ADAMTS2: variants seen among roughly 807,000 people sequenced by gnomAD.
The protein encoded by ADAMTS2 is ADAM metallopeptidase with thrombospondin type 1 motif 2, also known as A disintegrin and metalloproteinase with thrombospondin motifs 2.
ADAMTS2 carries 50 observed loss-of-function variants against 123.0 expected under a neutral mutation model. The observed-to-expected ratio is 0.41, with a 90% CI of 0.32 to 0.51. ADAMTS2 has a LOEUF of 0.51. Among genes scored for constraint, ADAMTS2 ranks in the 20% least tolerant of loss-of-function variants. ADAMTS2 has a pLI of 0.35. For missense variants in ADAMTS2, 1,494 were observed against 1,705.2 expected, an observed-to-expected ratio of 0.88 and a Z score of 2.18; for synonymous variants, 678 against 695.4, an observed-to-expected ratio of 0.98 and a Z score of 0.39.
At chr5:179,124,858 G>A (rs575170880) in intron 19 of ADAMTS2, 115 bp downstream of exon 19, 2 of 1,597,228 alleles carry the variant, frequency 1.3e-6, no homozygotes, top group South Asian at 2.2e-5. Context: ...TGCTTGGCAT[G>A]CACGGAGCGG....
rs1049248186 is a variant in ADAMTS2, at chr5:179,130,469, C to A, written c.2291-371G>T. ...GGCTGGGAGGGGTCTGTACGCGGTG[C>A]AGGGCATCTGCTGGACAGGCGAGCA... On this transcript the variant is annotated intron_variant, in intron 15 of 21. Coordinates refer to ENST00000251582, the MANE Select transcript of ADAMTS2 (RefSeq NM_014244.5). The surrounding 1 kb of genome is among the most constrained non-coding windows in gnomAD (Gnocchi z 4.3). Among the ~76,000 whole-genome samples the A allele has an allele frequency of 1.3e-5, 2 of 152,234 alleles. No individual in the cohort carries two copies. Among genetic ancestry groups the A allele is most frequent in the Non-Finnish European group, 2.9e-5 (2 of 68,044 alleles).
In ADAMTS2 at chr5:179,314,651, CCACAGGGTGACGGGCCAGAATTACAAG is replaced by C. The variant is rs1402312945; in HGVS notation, c.534+29089_534+29115del. On this transcript the variant is annotated intron_variant, in intron 2 of 21. Transcript: ENST00000251582. This position sits in a 1 kb window ranked among gnomAD's most constrained non-coding sequence, Gnocchi z 4.5. ...GCATGCAGAGGCCCATGTGCTTGTCCCACAGGGTGACGGGCCAGAATTACAAGCCCCTGATTCTGGGGGCTTCCACGC... is the reference window on the plus strand; with the variant it reads ...GCATGCAGAGGCCCATGTGCTTGTCCCCCCTGATTCTGGGGGCTTCCACGC... Among the ~76,000 whole-genome samples the C allele has an allele frequency of 6.6e-6, 1 of 152,066 alleles. No individual in the cohort carries two copies. The highest frequency in any genetic ancestry group is 1.5e-5 in the Non-Finnish European group (1 of 68,002).
chr5:179,171,282 C>A (rs1763809234), intron 5 of ADAMTS2, among the ~76,000 whole-genome samples: 1 of 152,172 alleles, frequency 6.6e-6, no homozygotes, highest in African/African-American at 2.4e-5. Flanking sequence ...CAGATGGCTC[C>A]TCCGGTCCCA....
chr5:179,292,789 C>G (rs1361487316), intron 2 of ADAMTS2, among the ~76,000 whole-genome samples: 2 of 152,180 alleles, frequency 1.3e-5, no homozygotes, highest in African/African-American at 4.8e-5. Context: ...CCCACCCCAC[C>G]CTGGAGTGCA....
chr5:179,227,659 G>A lies in ADAMTS2; in HGVS notation c.689-19944C>T, dbSNP rs542853892. Among the ~76,000 whole-genome samples the A allele has an allele frequency of 1.1e-4, 16 of 152,266 alleles. No homozygotes were observed. In the South Asian group the frequency reaches 2.9e-3, roughly 28 times the overall value. ...CCCAGACACAGAGAGGGAACCTGAC[G>A]CTCATGGGGAGGGCTGAGAGGCAGG... On this transcript the variant is annotated intron_variant, in intron 3 of 21. Coordinates refer to ENST00000251582, the MANE Select transcript of ADAMTS2 (RefSeq NM_014244.5).
chr5:179,161,336 G>A (rs940366592), intron 5 of ADAMTS2, among the ~76,000 whole-genome samples: 2 of 152,150 alleles, frequency 1.3e-5, no homozygotes, highest in Non-Finnish European at 2.9e-5. Context: ...GATGTGATTC[G>A]GTGCTAGAGC....
intron 3 of ADAMTS2, among the ~76,000 whole-genome samples, chr5:179,270,924 C>T (rs1414576053): frequency 1.3e-5 from 2 of 152,214 alleles, no homozygotes; most frequent in Non-Finnish European, 2.9e-5. Context: ...GGCCCACGCT[C>T]ACATCCACAG....
chr5:179,251,030 A>C (rs962576975), intron 3 of ADAMTS2, among the ~76,000 whole-genome samples: 3 of 152,178 alleles, frequency 2.0e-5, no homozygotes, highest in African/African-American at 7.2e-5. Flanking sequence ...AGCCTCATGC[A>C]TTTGCTCACT....
intron 2 of ADAMTS2, among the ~76,000 whole-genome samples, chr5:179,311,578 G>A (rs901760512): frequency 5.9e-5 from 9 of 152,152 alleles, no homozygotes; most frequent in Non-Finnish European, 7.4e-5. Flanking sequence ...GCTAAGTCAT[G>A]AATGCCCCAT....
chr5:179,156,965 T>TTC (rs1763483980), intron 6 of ADAMTS2, among the ~76,000 whole-genome samples: 2 of 144,754 alleles, frequency 1.4e-5, no homozygotes, highest in Non-Finnish European at 3.0e-5. Flanking sequence ...TTTTTTCTTT[T>TTC]TTTTTTTTTT....
At position 179,114,242 on chromosome 5, in the gene ADAMTS2, C is replaced by T. The variant is rs1762622649; in HGVS notation, c.3261G>A (p.Lys1087=). 1 of 1,614,016 alleles carries T rather than the reference C, an allele frequency of 6.2e-7. No individual in the cohort carries two copies. Among genetic ancestry groups the T allele is most frequent in the Non-Finnish European group, 8.5e-7 (1 of 1,179,908 alleles). Residue 1087 remains lysine, a synonymous_variant, in exon 22 of 22, where the codon AAG becomes AAA. Coordinates refer to ENST00000251582, the MANE Select transcript of ADAMTS2 (RefSeq NM_014244.5). The part of the protein sequence containing the change: ...SRYCSIPGYN[K]LCCKSCNLYN... ...ACAGGTTACAGGACTTGCAGCACAG[C>T]TTGTTGTAGCCTGGGATGGAGCAAT... is the stretch of plus-strand genomic sequence containing the variant.
rs1349012496 is a variant in ADAMTS2 at position 179,215,833 on chromosome 5, A to G, written c.689-8118T>C. On this transcript the variant is annotated intron_variant, in intron 3 of 21. Coordinates refer to ENST00000251582, the MANE Select transcript of ADAMTS2 (RefSeq NM_014244.5). The stretch of plus-strand genomic sequence containing the variant: ...CAAAGAATTGGAATCAGAATGACTC[A>G]GAGTTCTCAAAAGCAGCATTCGATG... 2.0e-5 allele frequency among the ~76,000 whole-genome samples: 3 copies of G among 152,230 alleles called. No homozygotes were observed. The East Asian group carries it at 5.8e-4, about 29-fold the overall frequency.
intron 6 of ADAMTS2, among the ~76,000 whole-genome samples, chr5:179,156,894 G>A (rs1412706091): frequency 2.0e-5 from 3 of 150,406 alleles, no homozygotes; most frequent in Middle Eastern, 3.4e-3. Flanking sequence ...TTTTCATGCT[G>A]TAAGGATTTC....
At chr5:179,122,822 G>A (rs374539495) in intron 19 of ADAMTS2, 49 bp from the exon 20 acceptor site, 75 of 1,549,928 alleles carry the variant, frequency 4.8e-5, no homozygotes, top group Middle Eastern at 3.3e-4. Context: ...CACAGGGCCC[G>A]CACTGGCAGA....
intron 2 of ADAMTS2, among the ~76,000 whole-genome samples, chr5:179,295,398 G>A (rs571025921): frequency 5.3e-5 from 8 of 152,324 alleles, no homozygotes; most frequent in African/African-American, 1.9e-4. Context: ...TTCTCCCGCT[G>A]TGGTGGCCCC....
chr5:179,240,289 C>T (rs547827604), intron 3 of ADAMTS2, among the ~76,000 whole-genome samples: 40 of 152,202 alleles, frequency 2.6e-4, no homozygotes, highest in African/African-American at 9.1e-4. Context: ...GGTACCCGTG[C>T]CAGCATGAAG....
chr5:179,236,454 G>A (rs796803049), intron 3 of ADAMTS2, among the ~76,000 whole-genome samples: 5 of 152,310 alleles, frequency 3.3e-5, no homozygotes, highest in African/African-American at 1.2e-4. Flanking sequence ...GGTGCTTAAG[G>A]TGGGGAACAA....
At chr5:179,169,661 C>T (rs1763776888) in intron 5 of ADAMTS2, among the ~76,000 whole-genome samples, 1 of 152,164 alleles carries the variant, frequency 6.6e-6, no homozygotes, top group Non-Finnish European at 1.5e-5. Flanking sequence ...TTGATATATC[C>T]TCCCCAGACC....
chr5:179,244,141 G>GA (rs35028368), intron 3 of ADAMTS2, among the ~76,000 whole-genome samples: 57,496 of 151,692 alleles, frequency 0.38, 11,449 homozygotes, highest in African/African-American at 0.48. Context: ...TAAATTTGGT[G>GA]AAAACATTAA....
Sources: gnomAD v4.1 joint callset for allele counts (sites outside exome capture counted in the v4.1 genomes callset) on GRCh38, gnomAD v4.1.1 for gene constraint, Gnocchi (gnomAD v3.1) non-coding constraint, MANE v1.5 for transcripts, NCBI Gene and HGNC (gene_info 2026-07-23, HGNC 2026-07-21) for gene names.